Variants in WDFY1 observed in about 807,000 individuals in gnomAD.
WDFY1 encodes WD repeat and FYVE domain-containing protein 1.
A neutral mutation model predicts 56.4 loss-of-function variants in WDFY1; 32 were observed. That is an observed-to-expected ratio of 0.57 (90% CI 0.43 to 0.76). WDFY1 has a LOEUF of 0.76. Among genes scored for constraint, WDFY1 ranks in the 30% least tolerant of loss-of-function variants. The pLI is 0.00. For synonymous variants in WDFY1, 192 were observed against 197.3 expected (o/e 0.97, Z 0.23); for missense variants, 480 against 545.7 (o/e 0.88, Z 1.20).
At chr2:223,888,297 G>C (rs895950201) in intron 8 of WDFY1, among the ~76,000 whole-genome samples, 2 of 152,012 alleles carry the variant, frequency 1.3e-5, no homozygotes, top group Non-Finnish European at 2.9e-5. Context: ...TGAACTCCTG[G>C]GCTCAAGTGA....
chr2:223,883,969 A>G (rs1183205233), intron 9 of WDFY1, among the ~76,000 whole-genome samples: 2 of 152,096 alleles, frequency 1.3e-5, no homozygotes, highest in Non-Finnish European at 2.9e-5. Context: ...AACACATACA[A>G]ACTTTAGGCT....
Position 223,913,993 on chromosome 2 carries a change from CT to C in WDFY1, c.206-1668del, listed in dbSNP as rs386392770. Among the ~76,000 whole-genome samples the C allele has an allele frequency of 4.4e-3, 389 of 88,100 alleles. 2 individuals are homozygous for C. Among genetic ancestry groups the C allele is most frequent in the East Asian group, 0.042 (107 of 2,536 alleles). 57.8% of individuals were successfully genotyped at this position (88,100 alleles called of 152,430 possible). ...AGGAATCATCTTTCAAATCAGTTAG[CT>C]TTTTTTTTTTTTTTTTTTTTTTGAG... On this transcript the variant is annotated intron_variant, in intron 2 of 11. Coordinates refer to ENST00000233055, the MANE Select transcript of WDFY1 (RefSeq NM_020830.5).
chr2:223,884,860 T>A, intron 8 of WDFY1, 111 bp from the exon 9 acceptor site: 1 of 475,526 alleles, frequency 2.1e-6, no homozygotes, highest in African/African-American at 7.9e-5. Context: ...TCTTTTCTTC[T>A]TTTTTTTTTT....
intron 6 of WDFY1, among the ~76,000 whole-genome samples, chr2:223,896,177 A>AAAAAAAAAAAAAAAAAAAAAAAAC (rs1559165606): frequency 6.7e-6 from 1 of 148,298 alleles, no homozygotes; most frequent in African/African-American, 2.5e-5. Flanking sequence ...AAAAAAAAAA[A>AAAAAAAAAAAAAAAAAAAAAAAAC]AAAAAACTGC....
intron 3 of WDFY1, among the ~76,000 whole-genome samples, chr2:223,910,561 T>TA (rs567631144): frequency 2.0e-4 from 30 of 151,804 alleles, no homozygotes; most frequent in Admixed American, 1.7e-3. Flanking sequence ...ACTCAACAAT[T>TA]AAAAAATACT....
chr2:223,931,229 T>C lies in WDFY1; in HGVS notation c.138-13219A>G, dbSNP rs147105702. ...CATTTTGCAAAAGTGCTAATTTGAA[T>C]CCTTAAAAATGGAAGCAGTCACTGA... On this transcript the variant is annotated intron_variant, in intron 1 of 11. Coordinates refer to ENST00000233055, the MANE Select transcript of WDFY1 (RefSeq NM_020830.5). 6.1e-3 allele frequency among the ~76,000 whole-genome samples: 922 copies of C among 152,316 alleles called. 2 individuals are homozygous for C. The highest frequency in any genetic ancestry group is 0.021 in the African/African-American group (881 of 41,576).
chr2:223,930,123 C>G (rs717609), intron 1 of WDFY1, among the ~76,000 whole-genome samples: 131,585 of 152,182 alleles, frequency 0.86, 57,363 homozygotes, highest in Non-Finnish European at 0.93. Flanking sequence ...GTGCTAAATA[C>G]GAGTGGTGAT....
At chr2:223,889,678 T>C (rs1693234756) in intron 8 of WDFY1, among the ~76,000 whole-genome samples, 1 of 152,196 alleles carries the variant, frequency 6.6e-6, no homozygotes, top group Non-Finnish European at 1.5e-5. Flanking sequence ...CTTTCCTTTA[T>C]AAATTACCCA....
At chr2:223,908,591 T>C (rs551954295) in intron 3 of WDFY1, among the ~76,000 whole-genome samples, 12 of 152,188 alleles carry the variant, frequency 7.9e-5, no homozygotes, top group Non-Finnish European at 1.6e-4. Context: ...TCTTTAAATA[T>C]TGACATTTCC....
At chr2:223,919,947 A>G (rs1574774958) in intron 1 of WDFY1, among the ~76,000 whole-genome samples, 1 of 152,088 alleles carries the variant, frequency 6.6e-6, no homozygotes, top group East Asian at 1.9e-4. Flanking sequence ...CACAGTGCCA[A>G]TTACCACAAG....
At chr2:223,926,876 C>A (rs1693993859) in intron 1 of WDFY1, among the ~76,000 whole-genome samples, 1 of 152,166 alleles carries the variant, frequency 6.6e-6, no homozygotes. Context: ...CCATGTTGGC[C>A]AGGCTGGTGT....
Position 223,940,330 on chromosome 2 carries a change from C to A in WDFY1, c.137+4818G>T, listed in dbSNP as rs539939489. ...TTACAAACAGTCTCATTTGTTCAGGCCAAATTTTAGCACCAAACGAGTTTT... is the reference window on the plus strand; with the variant it reads ...TTACAAACAGTCTCATTTGTTCAGGACAAATTTTAGCACCAAACGAGTTTT... On this transcript the variant is annotated intron_variant, in intron 1 of 11. Transcript: ENST00000233055. Among the ~76,000 whole-genome samples the A allele has an allele frequency of 2.0e-5, 3 of 152,060 alleles. No homozygotes were observed. In the East Asian group the frequency reaches 5.8e-4, roughly 29 times the overall value.
intron 3 of WDFY1, among the ~76,000 whole-genome samples, chr2:223,907,252 C>A (rs1026260396): frequency 6.6e-6 from 1 of 152,100 alleles, no homozygotes; most frequent in Non-Finnish European, 1.5e-5. Context: ...GCTGGGATTA[C>A]AGGCATGAGC....
At chr2:223,909,121 A>G (rs1189973186) in intron 3 of WDFY1, among the ~76,000 whole-genome samples, 1 of 152,098 alleles carries the variant, frequency 6.6e-6, no homozygotes, top group Non-Finnish European at 1.5e-5. Flanking sequence ...AGTTTCCCTA[A>G]AGCACTTGAC....
At chr2:223,887,376 A>G (rs1347153452) in intron 8 of WDFY1, among the ~76,000 whole-genome samples, 1 of 152,246 alleles carries the variant, frequency 6.6e-6, no homozygotes, top group African/African-American at 2.4e-5. Flanking sequence ...TCACTAAGCC[A>G]TCTCCAAACA....
At chr2:223,881,097 G>A (rs554552799) in intron 10 of WDFY1, among the ~76,000 whole-genome samples, 5 of 152,320 alleles carry the variant, frequency 3.3e-5, no homozygotes, top group African/African-American at 9.6e-5. Flanking sequence ...CTGTCCTAAC[G>A]GATTTGCCTA....
At chr2:223,897,398 A>T (rs1300260639) in intron 6 of WDFY1, among the ~76,000 whole-genome samples, 1 of 50,552 alleles carries the variant, frequency 2.0e-5, no homozygotes. Context: ...ATATTTTTTA[A>T]GACGGAGTCT....
intron 1 of WDFY1, among the ~76,000 whole-genome samples, chr2:223,938,433 G>A (rs1040081033): frequency 3.3e-5 from 5 of 152,110 alleles, no homozygotes; most frequent in South Asian, 2.1e-4. Flanking sequence ...TTTTAGTTCC[G>A]CTCTGAAAGC....
intron 1 of WDFY1, among the ~76,000 whole-genome samples, chr2:223,939,458 G>A (rs535365205): frequency 3.9e-5 from 6 of 152,248 alleles, no homozygotes; most frequent in African/African-American, 1.2e-4. Context: ...GTATTAGTCC[G>A]TTTTCACACT....
Sources: gnomAD v4.1 joint callset for allele counts (sites outside exome capture counted in the v4.1 genomes callset) on GRCh38, gnomAD v4.1.1 for gene constraint, MANE v1.5 for transcripts, NCBI Gene and HGNC (gene_info 2026-07-23, HGNC 2026-07-21) for gene names.